The following PRKG1 variants were observed in gnomAD, a reference collection of about 807,000 sequenced individuals.
PRKG1 encodes cGMP-dependent protein kinase 1.
Under a neutral mutation model 88.1 loss-of-function variants are expected in PRKG1, and 35 were observed. The observed-to-expected ratio is 0.40, with a 90% CI of 0.30 to 0.53. The LOEUF is 0.53. Among genes scored for constraint, PRKG1 ranks in the 20% least tolerant of loss-of-function variants. The probability of loss-of-function intolerance (pLI) is 0.59; values close to 1 mark genes in which losing one functional copy is unlikely to be tolerated. For missense variants in PRKG1, 540 were observed against 839.8 expected (o/e 0.64, Z 4.41); for synonymous variants, 303 against 292.5 (o/e 1.04, Z -0.37).
chr10:52,278,150 CAA>C (rs1177238349), intron 12 of PRKG1, among the ~76,000 whole-genome samples: 1 of 152,074 alleles, frequency 6.6e-6, no homozygotes, highest in East Asian at 1.9e-4. Context: ...AAAAAGTGGG[CAA>C]AGGATATGAA....
At chr10:51,161,482 A>G (rs1475248718) in intron 2 of PRKG1, among the ~76,000 whole-genome samples, 1 of 152,132 alleles carries the variant, frequency 6.6e-6, no homozygotes, top group Non-Finnish European at 1.5e-5. Flanking sequence ...TTTCTAAGGT[A>G]TTACTGGTGG....
In PRKG1 at chr10:51,701,693, T is replaced by C. The variant is rs1021450112; in HGVS notation, c.593-102892T>C. On this transcript the variant is annotated intron_variant, in intron 3 of 17. Coordinates refer to ENST00000373980, the MANE Select transcript of PRKG1 (RefSeq NM_006258.4). The stretch of plus-strand genomic sequence containing the variant: ...TTTTTTATACACATTCTGTCAAGGG[T>C]AACTTACAAGTTGAATATGTGTGTA... 2.7e-5 allele frequency among the ~76,000 whole-genome samples: 4 copies of C among 148,586 alleles called. No homozygotes were observed. In the East Asian group the frequency reaches 5.9e-4, roughly 22 times the overall value.
intron 1 of PRKG1, among the ~76,000 whole-genome samples, chr10:51,053,311 C>T (rs1270456744): frequency 6.6e-6 from 1 of 151,998 alleles, no homozygotes; most frequent in Non-Finnish European, 1.5e-5. Context: ...ATTACTGTTC[C>T]CATATAATAG....
At chr10:52,079,053 C>T (rs1329696244) in intron 7 of PRKG1, among the ~76,000 whole-genome samples, 1 of 152,198 alleles carries the variant, frequency 6.6e-6, no homozygotes, top group Non-Finnish European at 1.5e-5. Flanking sequence ...GCTCTTCAAA[C>T]AGTTTCCTCT....
At chr10:51,973,385 T>C (rs1843755487) in intron 5 of PRKG1, among the ~76,000 whole-genome samples, 1 of 152,308 alleles carries the variant, frequency 6.6e-6, no homozygotes, top group Non-Finnish European at 1.5e-5. Flanking sequence ...ATCCTCCTTT[T>C]CATTCAGACT....
intron 2 of PRKG1, among the ~76,000 whole-genome samples, chr10:51,191,244 G>T (rs1400032823): frequency 1.3e-5 from 2 of 151,768 alleles, no homozygotes; most frequent in Non-Finnish European, 2.9e-5. Flanking sequence ...GAACCACATT[G>T]GGTATTGTTC....
In PRKG1 at chr10:51,710,783, G is replaced by A. The variant is rs915338932; in HGVS notation, c.593-93802G>A. Among the ~76,000 whole-genome samples the A allele has an allele frequency of 3.9e-5, 6 of 152,126 alleles. No homozygotes were observed. The East Asian group carries it at 5.8e-4, about 15-fold the overall frequency. The stretch of plus-strand genomic sequence containing the variant: ...AGTGAAGCATGATAACTTGCTAACC[G>A]GGGACAGTAGAGTCAATGTGCCTGT... On this transcript the variant is annotated intron_variant, in intron 3 of 17. Coordinates refer to ENST00000373980, the MANE Select transcript of PRKG1 (RefSeq NM_006258.4).
At chr10:52,263,457 G>A (rs1841485452) in intron 10 of PRKG1, among the ~76,000 whole-genome samples, 1 of 151,962 alleles carries the variant, frequency 6.6e-6, no homozygotes, top group African/African-American at 2.4e-5. Flanking sequence ...CATTTTAAGG[G>A]TATAATTCAG....
chr10:52,119,078 G>T (rs4245020), intron 7 of PRKG1, among the ~76,000 whole-genome samples: 3 of 151,738 alleles, frequency 2.0e-5, no homozygotes, highest in East Asian at 1.9e-4. Flanking sequence ...CCTATATAAA[G>T]TATTATTATG....
intron 5 of PRKG1, among the ~76,000 whole-genome samples, chr10:51,924,446 C>T (rs1842528373): frequency 1.3e-5 from 2 of 152,038 alleles, no homozygotes; most frequent in African/African-American, 4.8e-5. Flanking sequence ...GGTTTATTCC[C>T]TATCTCTCTT....
intron 5 of PRKG1, among the ~76,000 whole-genome samples, chr10:52,031,809 T>C (rs1337429305): frequency 6.6e-6 from 1 of 152,154 alleles, no homozygotes; most frequent in Non-Finnish European, 1.5e-5. Context: ...GTGTGCTATG[T>C]TAAGGATGAT....
At chr10:51,101,121 G>A (rs915774783) in intron 1 of PRKG1, among the ~76,000 whole-genome samples, 14 of 152,208 alleles carry the variant, frequency 9.2e-5, no homozygotes, top group Admixed American at 7.8e-4. Context: ...ATAGGTTGTA[G>A]CCTTAATCCT....
chr10:51,171,970 A>G (rs56408019), intron 2 of PRKG1, among the ~76,000 whole-genome samples: 9,985 of 151,752 alleles, frequency 0.066, 684 homozygotes, highest in African/African-American at 0.17. Flanking sequence ...CTATATTTTA[A>G]TGTATCTTCA....
At chr10:51,399,892 G>A (rs759123417) in intron 2 of PRKG1, among the ~76,000 whole-genome samples, 60 of 152,256 alleles carry the variant, frequency 3.9e-4, no homozygotes, top group Admixed American at 2.1e-3. Flanking sequence ...TGTGGGTGCC[G>A]GGGGCAGAGG....
chr10:51,511,157 A>C (rs1391528206), intron 3 of PRKG1, among the ~76,000 whole-genome samples: 1 of 152,270 alleles, frequency 6.6e-6, no homozygotes, highest in South Asian at 2.1e-4. Context: ...TTTGGACACA[A>C]GATGTTGCTA....
Position 51,160,397 on chromosome 10 carries a change from A to G in PRKG1, c.478+7067A>G, listed in dbSNP as rs73335832. 4.9e-3 allele frequency among the ~76,000 whole-genome samples: 744 copies of G among 152,302 alleles called. 10 individuals carry two copies. The highest frequency in any genetic ancestry group is 0.017 in the African/African-American group (701 of 41,556). On this transcript the variant is annotated intron_variant, in intron 2 of 17. Coordinates refer to ENST00000373980, the MANE Select transcript of PRKG1 (RefSeq NM_006258.4). ...AATTGTGCTTGTTTAAACAGTGTTA[A>G]CGGTGAATCCTTATAAACATGTTCA...
At chr10:51,034,723 G>A (rs1358300450) in intron 1 of PRKG1, among the ~76,000 whole-genome samples, 2 of 111,964 alleles carry the variant, frequency 1.8e-5, no homozygotes, top group African/African-American at 3.3e-5. Context: ...AAAAATTACG[G>A]TAAAATTGCT....
At chr10:51,496,711 TGTAA>T (rs1278049429) in intron 3 of PRKG1, among the ~76,000 whole-genome samples, 2 of 152,164 alleles carry the variant, frequency 1.3e-5, no homozygotes, top group Non-Finnish European at 1.5e-5. Context: ...CTTTGTTTTC[TGTAA>T]GTGTCATAAT....
At chr10:52,142,025 C>G (rs1400200973) in intron 8 of PRKG1, among the ~76,000 whole-genome samples, 1 of 152,126 alleles carries the variant, frequency 6.6e-6, no homozygotes, top group Non-Finnish European at 1.5e-5. Context: ...TCAAATCACA[C>G]TGTTTAATAA....
Sources: gnomAD v4.1 joint callset for allele counts (sites outside exome capture counted in the v4.1 genomes callset) on GRCh38, gnomAD v4.1.1 for gene constraint, MANE v1.5 for transcripts, NCBI Gene and HGNC (gene_info 2026-07-23, HGNC 2026-07-21) for gene names.